CMSS1: variants seen among roughly 807,000 people sequenced by gnomAD.
CMSS1 encodes the protein cms1 ribosomal small subunit homolog, also known as protein CMSS1.
CMSS1 carries 33 observed loss-of-function variants against 43.5 expected under a neutral mutation model. The observed-to-expected ratio is 0.76, with a 90% CI of 0.57 to 1.01. The LOEUF is 1.01. CMSS1 is among the 50% of genes least tolerant of loss of function. The pLI is 0.00. For missense variants in CMSS1, 313 were observed against 326.4 expected (o/e 0.96, Z 0.32); for synonymous variants, 115 against 117.2 (o/e 0.98, Z 0.12).
intron 1 of CMSS1, among the ~76,000 whole-genome samples, chr3:99,946,227 A>G (rs1201934211): frequency 6.6e-6 from 1 of 152,210 alleles, no homozygotes; most frequent in Admixed American, 6.5e-5. Context: ...ATAGCCCTGG[A>G]TACTATTGTG....
intron 1 of CMSS1, among the ~76,000 whole-genome samples, chr3:100,032,549 C>G (rs115779751): frequency 0.014 from 2,159 of 152,188 alleles, 31 homozygotes; most frequent in Non-Finnish European, 0.023. Context: ...AAAACTGATT[C>G]ATAACATTGT....
intron 1 of CMSS1, among the ~76,000 whole-genome samples, chr3:99,980,569 A>C (rs1709092436): frequency 6.6e-6 from 1 of 152,204 alleles, no homozygotes; most frequent in African/African-American, 2.4e-5. Context: ...GTTTATTACA[A>C]ACTTAAGAAA....
chr3:100,034,725 T>A (rs1053884234), intron 1 of CMSS1, among the ~76,000 whole-genome samples: 1 of 152,144 alleles, frequency 6.6e-6, no homozygotes, highest in Non-Finnish European at 1.5e-5. Context: ...CTTGAAATAA[T>A]GTTGATAAAG....
chr3:100,098,696 A>G (rs2066254823), intron 1 of CMSS1, among the ~76,000 whole-genome samples: 1 of 152,230 alleles, frequency 6.6e-6, no homozygotes. Context: ...GTAGCATAGC[A>G]GTGCCTTCTG....
chr3:99,987,236 G>A (rs1313611644), intron 1 of CMSS1, among the ~76,000 whole-genome samples: 11 of 107,876 alleles, frequency 1.0e-4, no homozygotes, highest in Non-Finnish European at 1.6e-4. Context: ...CTCTTAAGGG[G>A]AAAAAAAAAA....
chr3:99,898,251 A>G lies in CMSS1; in HGVS notation c.64+80208A>G, dbSNP rs1395761814. On this transcript the variant is annotated intron_variant, in intron 1 of 9. Coordinates refer to ENST00000421999, the MANE Select transcript of CMSS1 (RefSeq NM_032359.4). ...TTATATTGTAGGTAGCATTATTTTT[A>G]GAGCTGTATTGTAGGTGTATGGAAT... The G allele has an allele frequency of 2.6e-5, 4 of 152,220 alleles. No individual in the cohort carries two copies. In the East Asian group the frequency reaches 7.7e-4, roughly 29 times the overall value. The allele number at this position is 152,220 out of a possible 1,614,324, so 9.4% of individuals were successfully genotyped here.
chr3:100,037,877 G>A (rs761829098), intron 1 of CMSS1, among the ~76,000 whole-genome samples: 16 of 150,662 alleles, frequency 1.1e-4, no homozygotes, highest in Admixed American at 2.6e-4. Flanking sequence ...AATTACCTGA[G>A]TAGCTTTACA....
At chr3:99,949,332 A>G in intron 1 of CMSS1, among the ~76,000 whole-genome samples, 1 of 152,228 alleles carries the variant, frequency 6.6e-6, no homozygotes. Flanking sequence ...CTAAATTTAA[A>G]TAAAACCCTC....
intron 2 of CMSS1, among the ~76,000 whole-genome samples, chr3:100,157,004 C>T (rs1260676549): frequency 1.3e-5 from 2 of 152,144 alleles, no homozygotes; most frequent in Admixed American, 6.5e-5. Context: ...AGTCCTCCCA[C>T]CTTGGCCCCA....
At chr3:100,116,907 T>A (rs540240839) in intron 1 of CMSS1, among the ~76,000 whole-genome samples, 8 of 152,288 alleles carry the variant, frequency 5.3e-5, no homozygotes, top group African/African-American at 1.9e-4. Flanking sequence ...GTAGTCAAAA[T>A]TTTTTAAATA....
intron 1 of CMSS1, among the ~76,000 whole-genome samples, chr3:100,014,891 C>CTTTTTTTTTTTTTTTTTTTTTTTT (rs1710284139): frequency 1.1e-4 from 3 of 27,226 alleles, no homozygotes; most frequent in African/African-American, 3.0e-4. Context: ...TTTTTTCTTT[C>CTTTTTTTTTTTTTTTTTTTTTTTT]TTTCTTTTTT....
chr3:99,861,164 T>C (rs1244052779), intron 1 of CMSS1, among the ~76,000 whole-genome samples: 4 of 152,090 alleles, frequency 2.6e-5, no homozygotes, highest in Non-Finnish European at 5.9e-5. Context: ...TTCCATACTT[T>C]CCATTTTGAT....
chr3:100,112,564 T>G (rs1460571554), intron 1 of CMSS1, among the ~76,000 whole-genome samples: 1 of 152,236 alleles, frequency 6.6e-6, no homozygotes, highest in Non-Finnish European at 1.5e-5. Context: ...CAATTACACA[T>G]GAACTTTAAT....
intron 1 of CMSS1, among the ~76,000 whole-genome samples, chr3:99,922,669 G>T (rs1042796438): frequency 1.3e-5 from 2 of 152,194 alleles, no homozygotes; most frequent in African/African-American, 4.8e-5. Context: ...CATCTTTTCA[G>T]TATCAATAGA....
At chr3:99,896,379 A>G (rs1706252646) in intron 1 of CMSS1, among the ~76,000 whole-genome samples, 1 of 152,068 alleles carries the variant, frequency 6.6e-6, no homozygotes, top group African/African-American at 2.4e-5. Context: ...GTTTCATTTT[A>G]AACAGTCTGC....
chr3:100,128,116 C>T (rs2066677332), intron 1 of CMSS1, among the ~76,000 whole-genome samples: 1 of 152,254 alleles, frequency 6.6e-6, no homozygotes. Context: ...GAGGATTCAA[C>T]TGTCCAGGCA....
intron 1 of CMSS1, among the ~76,000 whole-genome samples, chr3:100,137,782 G>T (rs1239919736): frequency 1.3e-5 from 2 of 152,182 alleles, no homozygotes; most frequent in African/African-American, 4.8e-5. Context: ...TAGCCAGGAT[G>T]GTTTCGATCT....
chr3:99,881,008 G>A (rs1199045719), intron 1 of CMSS1, among the ~76,000 whole-genome samples: 1 of 152,078 alleles, frequency 6.6e-6, no homozygotes, highest in East Asian at 1.9e-4. Flanking sequence ...CCTAGCATTG[G>A]TGGTCACAAA....
intron 1 of CMSS1, among the ~76,000 whole-genome samples, chr3:99,947,327 A>C (rs906340870): frequency 2.0e-5 from 3 of 152,156 alleles, no homozygotes; most frequent in Non-Finnish European, 4.4e-5. Flanking sequence ...AGGGAACATT[A>C]GCTATTGTCA....
Sources: gnomAD v4.1 joint callset for allele counts (sites outside exome capture counted in the v4.1 genomes callset) on GRCh38, gnomAD v4.1.1 for gene constraint, MANE v1.5 for transcripts, NCBI Gene and HGNC (gene_info 2026-07-23, HGNC 2026-07-21) for gene names.